The following DAPK3 variants were observed in gnomAD, a reference collection of about 807,000 sequenced individuals.
DAPK3 encodes death-associated protein kinase 3.
In DAPK3, 24 loss-of-function variants were observed where a neutral mutation model predicts 30.6. That is an observed-to-expected ratio of 0.78 (90% CI 0.57 to 1.10). The LOEUF is 1.10. Ranked by LOEUF, DAPK3 falls within the 50% of genes least tolerant of loss-of-function variation. The probability of loss-of-function intolerance (pLI) is 0.00; values close to 1 mark genes in which losing one functional copy is unlikely to be tolerated. For synonymous variants in DAPK3, 341 were observed against 284.0 expected (o/e 1.20, Z -2.02); for missense variants, 629 against 657.3 (o/e 0.96, Z 0.47).
At position 3,959,510 on chromosome 19, in the gene DAPK3, T is replaced by A; in HGVS notation, c.956A>T (p.Tyr319Phe). Residue 319 changes from tyrosine to phenylalanine, a missense_variant, in exon 9 of 9, where the codon TAC becomes TTC. Around this residue, in one of 2 missense-constraint regions of DAPK3, gnomAD observed 323 missense variants for 278.8 expected, o/e 1.16. Coordinates refer to ENST00000545797, the MANE Select transcript of DAPK3 (RefSeq NM_001348.3). ...CTTGGAGAAGCGCTCGAAGTCGGCGTAGCTGTTGTTGGGCGGCAAGCTGGA... is the reference window on the plus strand; with the variant it reads ...CTTGGAGAAGCGCTCGAAGTCGGCGAAGCTGTTGTTGGGCGGCAAGCTGGA... ...SHSSLPPNNS[Y>F]ADFERFSKVL... 1 of 1,565,650 alleles carries A rather than the reference T, an allele frequency of 6.4e-7. No individual in the cohort carries two copies. Among genetic ancestry groups the A allele is most frequent in the South Asian group, 1.2e-5 (1 of 86,504 alleles).
In DAPK3 at chr19:3,959,591, G is replaced by C. The variant is rs775204534; in HGVS notation, c.875C>G (p.Pro292Arg). 3 of 1,586,900 alleles carry C rather than the reference G, an allele frequency of 1.9e-6. No homozygotes were observed. The highest frequency in any genetic ancestry group is 2.6e-6 in the Non-Finnish European group (3 of 1,175,430). The change falls in exon 9 of 9, where the codon CCC (proline) becomes CGC (arginine). Residue 292 changes from proline to arginine, a missense_variant. Physicochemically the swap from Pro to Arg is moderately radical, Grantham distance 103. Around this residue, in one of 2 missense-constraint regions of DAPK3, gnomAD observed 323 missense variants for 278.8 expected, o/e 1.16. Coordinates refer to ENST00000545797, the MANE Select transcript of DAPK3 (RefSeq NM_001348.3). ...NVRGEDSGRK[P>R]ERRRLKTTRL... ...CGTGGTCTTCAGGCGCCGCCGCTCG[G>C]GCTTGCGGCCGCTGTCCTCACCACG... is the stretch of plus-strand genomic sequence containing the variant.
At chr19:3,961,421 CTG>C (rs1426668139) in intron 6 of DAPK3, 1 of 620,986 alleles carries the variant, frequency 1.6e-6, no homozygotes, top group East Asian at 3.7e-5. Context: ...CTCGAAGTAT[CTG>C]TGCAGACGCA....
intron 3 of DAPK3, 39 bp downstream of exon 3, chr19:3,964,592 A>T: frequency 4.7e-6 from 3 of 645,022 alleles, no homozygotes; most frequent in Non-Finnish European, 7.4e-6. Flanking sequence ...CCACCCCCAC[A>T]CTGGCCAGGC....
At chr19:3,960,917 T>G (rs2039503613) in intron 7 of DAPK3, 92 bp downstream of exon 7, 3 of 1,351,938 alleles carry the variant, frequency 2.2e-6, no homozygotes, top group East Asian at 2.4e-5. Context: ...CGCAGGGAGG[T>G]GGCGCTGGGA....
At chr19:3,968,157 T>C (rs1360719134) in intron 2 of DAPK3, among the ~76,000 whole-genome samples, 1 of 152,092 alleles carries the variant, frequency 6.6e-6, no homozygotes, top group African/African-American at 2.4e-5. Context: ...AGCTGCATCC[T>C]ATTCCAGCCC....
At chr19:3,962,811 A>AAAAAAAAC (rs72149307) in intron 6 of DAPK3, among the ~76,000 whole-genome samples, 1 of 150,796 alleles carries the variant, frequency 6.6e-6, no homozygotes, top group Non-Finnish European at 1.5e-5. Flanking sequence ...AAAAAAAAAA[A>AAAAAAAAC]ATTAGCCAGC....
Position 3,960,091 on chromosome 19 carries a change from TG to T in DAPK3, c.795del (p.Ile266LeufsTer32). ...CAGGAATGTTCCAGGCTCTGGGCAA[TG>T]GTCATTCTCCGCCTGGAAGACCCCC... ...LLVKDPKRRM[T>X]IAQSLEHSWI... is the part of the protein sequence containing the mutation. On this transcript the variant is annotated frameshift_variant, in exon 8 of 9. Transcript: ENST00000545797. LOFTEE classifies it low-confidence loss of function (END_TRUNC). 3 of 1,564,862 alleles carry T rather than the reference TG, an allele frequency of 1.9e-6. No homozygotes were observed. The highest frequency in any genetic ancestry group is 1.8e-6 in the Non-Finnish European group (2 of 1,135,652).
At chr19:3,966,204 C>T (rs2039575786) in intron 2 of DAPK3, among the ~76,000 whole-genome samples, 1 of 152,176 alleles carries the variant, frequency 6.6e-6, no homozygotes. Flanking sequence ...CTCCAGAGCC[C>T]AGGTGCTCTA....
Position 3,961,212 on chromosome 19 carries a change from C to T in DAPK3, c.630-51G>A, listed in dbSNP as rs374953235. 2.6e-4 allele frequency: 395 copies of T among 1,511,892 alleles called. 1 individual carries two copies. The Middle Eastern group carries it at 0.013, about 51-fold the overall frequency. The allele number at this position is 1,511,892 out of a possible 1,614,324, so 93.7% of individuals were successfully genotyped here. On this transcript the variant is annotated intron_variant, in intron 6 of 8. Coordinates refer to ENST00000545797, the MANE Select transcript of DAPK3 (RefSeq NM_001348.3). ...TGGGGTCCTGGGCTCCCACCACGGCCGCGCCGCCTCTCCGGCTGCCCACGA... is the reference window on the plus strand; with the variant it reads ...TGGGGTCCTGGGCTCCCACCACGGCTGCGCCGCCTCTCCGGCTGCCCACGA...
chr19:3,963,575 G>T, intron 6 of DAPK3, 68 bp downstream of exon 6: 1 of 1,031,044 alleles, frequency 9.7e-7, no homozygotes, highest in Non-Finnish European at 1.4e-6. Flanking sequence ...GTCCACATGA[G>T]ACACACGGAG....
intron 2 of DAPK3, among the ~76,000 whole-genome samples, chr19:3,965,537 G>T (rs2039569294): frequency 6.6e-6 from 1 of 152,190 alleles, no homozygotes; most frequent in Non-Finnish European, 1.5e-5. Flanking sequence ...AGAATCGCTT[G>T]AACCTGGGAG....
intron 3 of DAPK3, 53 bp from the exon 4 acceptor site, chr19:3,964,426 C>T: frequency 1.4e-6 from 2 of 1,449,382 alleles, no homozygotes; most frequent in Middle Eastern, 1.9e-4. Context: ...CCACCCTCAC[C>T]CCCACGCTCC....
intron 2 of DAPK3, among the ~76,000 whole-genome samples, chr19:3,965,862 C>T (rs190465941): frequency 1.6e-3 from 251 of 152,170 alleles, no homozygotes; most frequent in Middle Eastern, 0.014. Flanking sequence ...GATGAGGTCT[C>T]ACTATGTTGC....
At chr19:3,969,083 G>A (rs540153865) in intron 2 of DAPK3, among the ~76,000 whole-genome samples, 3 of 151,876 alleles carry the variant, frequency 2.0e-5, no homozygotes, top group African/African-American at 7.3e-5. Context: ...AAACATCCAA[G>A]AGCTGGGCAA....
intron 2 of DAPK3, among the ~76,000 whole-genome samples, chr19:3,968,136 TTC>T (rs1358796633): frequency 6.6e-6 from 1 of 152,114 alleles, no homozygotes; most frequent in Non-Finnish European, 1.5e-5. Flanking sequence ...CCCTGCCTGG[TTC>T]TTTTTACAAG....
At position 3,959,461 on chromosome 19, in the gene DAPK3, G is replaced by A. The variant is rs368652868; in HGVS notation, c.1005C>T (p.Ala335=). 238 of 1,545,488 alleles carry A rather than the reference G, an allele frequency of 1.5e-4. No homozygotes were observed. The African/African-American group carries it at 2.2e-3, about 14-fold the overall frequency. Residue 335 remains alanine (A), a synonymous_variant, in exon 9 of 9, where the codon GCC becomes GCT. Coordinates refer to ENST00000545797, the MANE Select transcript of DAPK3 (RefSeq NM_001348.3). ...GCTGCAGCTCGCGCAGGCCCTCCTC[G>A]GCGGCCGCCGCCTCCTCCAGCACCT... ...FSKVLEEAAA[A]EEGLRELQRS...
chr19:3,963,819 C>T, intron 5 of DAPK3, 52 bp downstream of exon 5: 1 of 1,338,776 alleles, frequency 7.5e-7, no homozygotes, highest in Non-Finnish European at 1.1e-6. Context: ...GCAGCACTGG[C>T]CTGCGCTCCA....
chr19:3,970,061 C>G (rs2039618426), intron 1 of DAPK3: 1 of 360,442 alleles, frequency 2.8e-6, no homozygotes, highest in East Asian at 4.9e-5. Flanking sequence ...ACCTTCACCC[C>G]GCAAAACTCT....
chr19:3,965,148 C>T (rs181820075), intron 2 of DAPK3, among the ~76,000 whole-genome samples, 157 bp from the exon 3 acceptor site: 1 of 152,306 alleles, frequency 6.6e-6, no homozygotes, highest in Admixed American at 6.5e-5. Flanking sequence ...GCAGACTCTG[C>T]GCCTTCTCAG....
Sources: allele counts gnomAD v4.1 joint callset (sites outside exome capture counted in the v4.1 genomes callset), GRCh38; gene constraint gnomAD v4.1.1; regional missense constraint gnomAD v4.1.1; transcripts MANE v1.5; gene names NCBI Gene and HGNC (gene_info 2026-07-23, HGNC 2026-07-21).